Variants in TENM3 observed in about 807,000 individuals in gnomAD.
TENM3 encodes teneurin-3.
TENM3 carries 63 observed loss-of-function variants against 255.1 expected under a neutral mutation model. The ratio of observed to expected loss-of-function variants is 0.25; its 90% CI spans 0.20 to 0.30. The LOEUF is 0.30. TENM3 is among the 10% of genes least tolerant of loss of function. TENM3 has a pLI of 1.00. For missense variants in TENM3, 2,929 were observed against 3,461.1 expected, an observed-to-expected ratio of 0.85 and a Z score of 3.86; for synonymous variants, 1,306 against 1,322.3, an observed-to-expected ratio of 0.99 and a Z score of 0.27.
chr4:181,857,454 C>T, the TENM3 span, among the ~76,000 whole-genome samples: 13 of 148,914 alleles, frequency 8.7e-5, no homozygotes, highest in East Asian at 2.0e-3. Context: ...GTGGCTCATG[C>T]CTGTAATCCC....
rs926492253 is a variant in TENM3 at position 182,234,481 on chromosome 4, C to T, written c.-75-89465C>T. On this transcript the variant is annotated intron_variant, in intron 1 of 2. Coordinates refer to the TENM3 transcript ENST00000512480. Reference sequence around the variant, plus strand: ...TGTGCAGTGGCTCACGCCTGTAATCCCAGCACTTTGAGGGGCCAAGGTGGG... The same window carrying T: ...TGTGCAGTGGCTCACGCCTGTAATCTCAGCACTTTGAGGGGCCAAGGTGGG... 2.6e-5 allele frequency among the ~76,000 whole-genome samples: 4 copies of T among 152,082 alleles called. No homozygotes were observed. The East Asian group carries it at 7.7e-4, about 29-fold the overall frequency.
the TENM3 span, among the ~76,000 whole-genome samples, chr4:182,024,974 TA>T: frequency 2.0e-5 from 3 of 151,582 alleles, no homozygotes; most frequent in African/African-American, 7.3e-5. Flanking sequence ...TCACTTAACA[TA>T]ATGACCTCCA....
chr4:181,742,488 A>C, the TENM3 span, among the ~76,000 whole-genome samples: 154 of 152,176 alleles, frequency 1.0e-3, no homozygotes, highest in African/African-American at 3.6e-3. Flanking sequence ...AGCAAAACGA[A>C]TTTTTTAAAA....
chr4:182,026,591 T>G, the TENM3 span, among the ~76,000 whole-genome samples: 1 of 152,242 alleles, frequency 6.6e-6, no homozygotes, highest in Non-Finnish European at 1.5e-5. Context: ...TTTCATAGTT[T>G]GAGGTCTTAG....
At chr4:182,298,021 C>T (rs1761603846) in intron 1 of TENM3, among the ~76,000 whole-genome samples, 1 of 152,218 alleles carries the variant, frequency 6.6e-6, no homozygotes, top group Non-Finnish European at 1.5e-5. Flanking sequence ...GGAGCCTGTA[C>T]CCAGGGGTGC....
the TENM3 span, among the ~76,000 whole-genome samples, chr4:181,529,532 G>A: frequency 6.6e-6 from 1 of 152,174 alleles, no homozygotes; most frequent in Non-Finnish European, 1.5e-5. Context: ...ACAACTGACA[G>A]CCTAAGATAA....
At chr4:181,810,682 G>A in the TENM3 span, among the ~76,000 whole-genome samples, 6 of 152,206 alleles carry the variant, frequency 3.9e-5, 1 homozygote, top group Admixed American at 3.3e-4. Context: ...CAGAAAAGAA[G>A]TGATGTAAAC....
chr4:181,820,883 A>G, the TENM3 span, among the ~76,000 whole-genome samples: 1 of 152,172 alleles, frequency 6.6e-6, no homozygotes, highest in Non-Finnish European at 1.5e-5. Context: ...TTCCTTCTGT[A>G]GAGTTTTAGA....
the TENM3 span, among the ~76,000 whole-genome samples, chr4:181,888,532 A>ATATATG: frequency 3.6e-4 from 28 of 78,730 alleles, no homozygotes; most frequent in African/African-American, 8.3e-4. Flanking sequence ...ATATACATAT[A>ATATATG]TGTGTATATA....
At chr4:182,054,026 C>G in the TENM3 span, among the ~76,000 whole-genome samples, 14 of 152,168 alleles carry the variant, frequency 9.2e-5, no homozygotes, top group Non-Finnish European at 2.9e-5. Flanking sequence ...ATCGCCTGCT[C>G]AAAAACTCTC....
chr4:181,854,474 C>A, the TENM3 span, among the ~76,000 whole-genome samples: 1 of 152,030 alleles, frequency 6.6e-6, no homozygotes, highest in Middle Eastern at 3.4e-3. Context: ...TCCCTAGACA[C>A]AGAGTTTCCC....
intron 1 of TENM3, among the ~76,000 whole-genome samples, chr4:182,257,878 A>G (rs550977608): frequency 3.6e-4 from 55 of 152,298 alleles, no homozygotes; most frequent in African/African-American, 1.3e-3. Context: ...TGGAAAAAGA[A>G]CAAGAATTTG....
the TENM3 span, among the ~76,000 whole-genome samples, chr4:181,530,102 A>G: frequency 1.3e-4 from 20 of 152,360 alleles, no homozygotes; most frequent in South Asian, 8.3e-4. Flanking sequence ...TCCAAATGAA[A>G]GAGCACTTTT....
the TENM3 span, among the ~76,000 whole-genome samples, chr4:181,683,375 T>G: frequency 6.6e-6 from 1 of 152,124 alleles, no homozygotes; most frequent in Non-Finnish European, 1.5e-5. Context: ...CTGTTCTAGG[T>G]GGACTCCTAG....
At chr4:181,502,625 C>A in the TENM3 span, among the ~76,000 whole-genome samples, 1 of 152,160 alleles carries the variant, frequency 6.6e-6, no homozygotes, top group Non-Finnish European at 1.5e-5. Flanking sequence ...AGAACTAGCA[C>A]GGTGTGGTTC....
chr4:182,800,023 G>T lies in TENM3; in HGVS notation c.7772G>T (p.Arg2591Leu). Residue 2591 changes from arginine (R) to leucine (L), a missense_variant, in exon 28 of 28, where the codon CGC becomes CTC. Physicochemically the swap from Arg to Leu is moderately radical, Grantham distance 102. Transcript: ENST00000511685. Reference protein sequence around the residue: ...QSTTVVNGRTRRFADVEMQFG... With the variant: ...QSTTVVNGRTLRFADVEMQFG... ...ACCACGGTGGTGAACGGCAGGACGCGCAGGTTCGCGGACGTGGAGATGCAG... is the reference window on the plus strand; with the variant it reads ...ACCACGGTGGTGAACGGCAGGACGCTCAGGTTCGCGGACGTGGAGATGCAG... 6.3e-7 allele frequency: 1 copy of T among 1,595,624 alleles called. No individual in the cohort carries two copies. Among genetic ancestry groups the T allele is most frequent in the Non-Finnish European group, 8.5e-7 (1 of 1,172,184 alleles).
chr4:182,041,472 T>C, the TENM3 span, among the ~76,000 whole-genome samples: 2 of 152,214 alleles, frequency 1.3e-5, no homozygotes, highest in Admixed American at 1.3e-4. Context: ...CTTAACACAC[T>C]GCTTGGGTAG....
the TENM3 span, among the ~76,000 whole-genome samples, chr4:181,659,779 C>T: frequency 1.2e-4 from 19 of 152,278 alleles, no homozygotes; most frequent in Non-Finnish European, 1.0e-4. Flanking sequence ...AGAGTCACAA[C>T]TAAACAATGG....
chr4:181,599,033 C>G, the TENM3 span, among the ~76,000 whole-genome samples: 2 of 152,138 alleles, frequency 1.3e-5, no homozygotes, highest in Non-Finnish European at 2.9e-5. Flanking sequence ...TTTCATTCAG[C>G]TTTATTTTCT....
Sources: allele counts gnomAD v4.1 joint callset (sites outside exome capture counted in the v4.1 genomes callset), GRCh38; gene constraint gnomAD v4.1.1; transcripts MANE v1.5; gene names NCBI Gene and HGNC (gene_info 2026-07-23, HGNC 2026-07-21).